CFAP251: variants seen among roughly 807,000 people sequenced by gnomAD.
CFAP251 encodes the protein cilia- and flagella-associated protein 251.
CFAP251 carries 93 observed loss-of-function variants against 126.7 expected under a neutral mutation model. The ratio of observed to expected loss-of-function variants is 0.73; its 90% confidence interval spans 0.62 to 0.87. The LOEUF is 0.87. Among genes scored for constraint, CFAP251 ranks in the 40% least tolerant of loss-of-function variants. The probability of loss-of-function intolerance (pLI) is 0.00; values close to 1 mark genes in which losing one functional copy is unlikely to be tolerated. For missense variants in CFAP251, 1,287 were observed against 1,389.2 expected, an observed-to-expected ratio of 0.93 and a Z score of 1.17; for synonymous variants, 503 against 506.9, an observed-to-expected ratio of 0.99 and a Z score of 0.10.
At chr12:121,979,563 C>CTTTTTTTTTTTTTTTTTTTTTT (rs71082922) in intron 19 of CFAP251, among the ~76,000 whole-genome samples, 3 of 84,978 alleles carry the variant, frequency 3.5e-5, no homozygotes, top group Non-Finnish European at 4.5e-5. Flanking sequence ...CTTTCTTCTT[C>CTTTTTTTTTTTTTTTTTTTTTT]TTTTTTTTTT....
intron 2 of CFAP251, among the ~76,000 whole-genome samples, chr12:121,922,921 C>G (rs1313905748): frequency 6.6e-6 from 1 of 152,042 alleles, no homozygotes; most frequent in Non-Finnish European, 1.5e-5. Flanking sequence ...TCCCGAGTAG[C>G]TGGGACTACA....
chr12:121,963,285 G>A (rs1312919066), intron 15 of CFAP251, among the ~76,000 whole-genome samples: 3 of 152,258 alleles, frequency 2.0e-5, no homozygotes, highest in South Asian at 2.1e-4. Flanking sequence ...GACACCTCTC[G>A]AAGTCAGAAG....
chr12:121,957,442 C>T (rs984985282), intron 11 of CFAP251, among the ~76,000 whole-genome samples, 174 bp downstream of exon 11: 19 of 151,922 alleles, frequency 1.3e-4, no homozygotes, highest in East Asian at 1.9e-4. Flanking sequence ...TGGTGGCTCA[C>T]GCCTGTAATC....
chr12:121,921,862 G>C (rs1287210126), intron 2 of CFAP251, among the ~76,000 whole-genome samples, 179 bp downstream of exon 2: 1 of 144,398 alleles, frequency 6.9e-6, no homozygotes, highest in Non-Finnish European at 1.5e-5. Context: ...ATCTCAGCCT[G>C]CTGCAACCTC....
At chr12:121,928,477 A>G (rs1342080726) in intron 3 of CFAP251, among the ~76,000 whole-genome samples, 3 of 151,910 alleles carry the variant, frequency 2.0e-5, no homozygotes, top group African/African-American at 4.8e-5. Context: ...ATTTAATTTT[A>G]TAAGTATTGT....
At chr12:121,926,413 G>A (rs960165929) in intron 3 of CFAP251, among the ~76,000 whole-genome samples, 5 of 151,676 alleles carry the variant, frequency 3.3e-5, no homozygotes, top group African/African-American at 9.7e-5. Flanking sequence ...TGCAACCTCC[G>A]TCTCCTGGGT....
intron 3 of CFAP251, among the ~76,000 whole-genome samples, chr12:121,925,860 T>A (rs928836989): frequency 5.3e-5 from 8 of 152,092 alleles, no homozygotes; most frequent in Non-Finnish European, 1.0e-4. Flanking sequence ...TTATTTATTT[T>A]TTGAGGTGGA....
chr12:121,958,648 G>A (rs1371879520), intron 12 of CFAP251, 126 bp downstream of exon 12: 24 of 1,442,498 alleles, frequency 1.7e-5, no homozygotes, highest in South Asian at 1.3e-4. Context: ...TGGATGAGGC[G>A]CCTTCTCTCT....
chr12:121,999,567 C>T, intron 19 of CFAP251, 149 bp from the exon 20 acceptor site: 1 of 583,968 alleles, frequency 1.7e-6, no homozygotes, highest in Admixed American at 3.1e-5. Flanking sequence ...AACTCCTGGC[C>T]TCAAGTGATC....
chr12:121,975,724 T>C, intron 19 of CFAP251, 39 bp downstream of exon 19: 1 of 1,529,390 alleles, frequency 6.5e-7, no homozygotes, highest in Non-Finnish European at 8.8e-7. Flanking sequence ...CGGGATGTGC[T>C]ATTTATAAAA....
At chr12:121,958,210 A>G in intron 11 of CFAP251, 62 bp from the exon 12 acceptor site, 1 of 1,596,194 alleles carries the variant, frequency 6.3e-7, no homozygotes, top group Non-Finnish European at 8.6e-7. Context: ...TAGAAGCAGA[A>G]TAGCTGGCAT....
intron 5 of CFAP251, among the ~76,000 whole-genome samples, chr12:121,938,500 T>A (rs1592971023): frequency 1.4e-5 from 2 of 146,840 alleles, no homozygotes; most frequent in East Asian, 4.0e-4. Context: ...TTTTTTGTAT[T>A]TTTTTTTTTA....
At chr12:122,001,055 C>CTTTTTT (rs1177422104) in intron 20 of CFAP251, among the ~76,000 whole-genome samples, 1 of 117,414 alleles carries the variant, frequency 8.5e-6, no homozygotes, top group African/African-American at 3.0e-5. Context: ...GTTTTTGTTG[C>CTTTTTT]TTTTTTTTTT....
At chr12:121,954,041 C>A in intron 9 of CFAP251, 79 bp from the exon 10 acceptor site, 2 of 1,216,378 alleles carry the variant, frequency 1.6e-6, no homozygotes, top group Non-Finnish European at 2.4e-6. Context: ...TTCAGCATAG[C>A]ATTATAAAAT....
intron 9 of CFAP251, chr12:121,953,557 A>G (rs2135776853): frequency 6.6e-6 from 1 of 152,604 alleles, no homozygotes; most frequent in East Asian, 1.9e-4. Context: ...CTTAGAAAGA[A>G]CTTGGTGCTC....
At chr12:121,938,515 A>G (rs1332628100) in intron 5 of CFAP251, among the ~76,000 whole-genome samples, 1 of 149,632 alleles carries the variant, frequency 6.7e-6, no homozygotes, top group African/African-American at 2.5e-5. Flanking sequence ...TTTTTAATAG[A>G]TACAGGGTTT....
chr12:121,958,255 C>T lies in CFAP251; in HGVS notation c.1731-17C>T. Reference sequence around the variant, plus strand: ...CCTGCAAACACTGATATTGTTTGGTCTCTCCTTGGCAAACAGGAATTTTAT... The same window carrying T: ...CCTGCAAACACTGATATTGTTTGGTTTCTCCTTGGCAAACAGGAATTTTAT... On this transcript the variant is annotated splice_polypyrimidine_tract_variant and intron_variant, in intron 11 of 21. Transcript: ENST00000288912. 6.2e-7 allele frequency: 1 copy of T among 1,612,940 alleles called. No homozygotes were observed. The highest frequency in any genetic ancestry group is 8.5e-7 in the Non-Finnish European group (1 of 1,179,050).
At chr12:121,963,903 G>A (rs900227253) in intron 15 of CFAP251, among the ~76,000 whole-genome samples, 12 of 151,868 alleles carry the variant, frequency 7.9e-5, no homozygotes, top group African/African-American at 2.9e-4. Context: ...GCCCTGGAGG[G>A]GAGCTTCTGC....
At chr12:121,968,266 G>T (rs983954429) in intron 17 of CFAP251, 97 bp downstream of exon 17, 16 of 1,266,974 alleles carry the variant, frequency 1.3e-5, no homozygotes, top group Non-Finnish European at 1.7e-5. Context: ...CAGGCACTGT[G>T]CTAGGATGTC....
Sources: gnomAD v4.1 joint callset for allele counts (sites outside exome capture counted in the v4.1 genomes callset) on GRCh38, gnomAD v4.1.1 for gene constraint, MANE v1.5 for transcripts, NCBI Gene and HGNC (gene_info 2026-07-23, HGNC 2026-07-21) for gene names.